Variants in STX8 observed in about 807,000 individuals in gnomAD.
STX8 encodes syntaxin 8, also known as syntaxin-8.
Under a neutral mutation model 37.5 loss-of-function variants are expected in STX8, and 23 were observed. The observed-to-expected ratio is 0.61, with a 90% confidence interval of 0.44 to 0.87. The LOEUF (loss-of-function observed/expected upper bound fraction) is 0.87, where lower values mean the gene tolerates loss of function less well. Among genes scored for constraint, STX8 ranks in the 40% least tolerant of loss-of-function variants. STX8 has a pLI of 0.00. For synonymous variants in STX8, 115 were observed against 99.1 expected (o/e 1.16, Z -0.95); for missense variants, 313 against 284.7 (o/e 1.10, Z -0.71).
chr17:9,434,865 T>C (rs1266215038), intron 6 of STX8, among the ~76,000 whole-genome samples: 1 of 152,202 alleles, frequency 6.6e-6, no homozygotes, highest in Non-Finnish European at 1.5e-5. Context: ...GTGGGGCATT[T>C]CTAGATGCAT....
At chr17:9,275,262 C>T (rs919322402) in intron 7 of STX8, among the ~76,000 whole-genome samples, 17 of 152,140 alleles carry the variant, frequency 1.1e-4, no homozygotes, top group Admixed American at 3.3e-4. Flanking sequence ...TCCAAGCGTC[C>T]ATGGGAACTT....
chr17:9,508,340 T>A (rs774483670), intron 4 of STX8, among the ~76,000 whole-genome samples: 1 of 152,170 alleles, frequency 6.6e-6, no homozygotes, highest in Non-Finnish European at 1.5e-5. Flanking sequence ...TTATTTATTT[T>A]TTTGGAGACA....
chr17:9,414,010 C>CACT (rs1913070975), intron 6 of STX8, among the ~76,000 whole-genome samples: 1 of 142,052 alleles, frequency 7.0e-6, no homozygotes, highest in Admixed American at 6.9e-5. Flanking sequence ...ACCCATCTGT[C>CACT]CATCCATCCA....
At chr17:9,409,422 G>A (rs1376085749) in intron 6 of STX8, among the ~76,000 whole-genome samples, 1 of 152,106 alleles carries the variant, frequency 6.6e-6, no homozygotes, top group Non-Finnish European at 1.5e-5. Flanking sequence ...CTTGATTTTG[G>A]AGTTAAATGA....
intron 6 of STX8, among the ~76,000 whole-genome samples, chr17:9,408,554 TA>T (rs1166180692): frequency 1.3e-5 from 2 of 152,186 alleles, no homozygotes; most frequent in African/African-American, 4.8e-5. Flanking sequence ...GTTCTGGACC[TA>T]AGAGCTGAGA....
intron 6 of STX8, among the ~76,000 whole-genome samples, chr17:9,465,038 C>T (rs896615584): frequency 6.2e-4 from 94 of 152,168 alleles, no homozygotes; most frequent in African/African-American, 2.2e-3. Context: ...CTTATACACA[C>T]ACTTTGGGTC....
chr17:9,278,163 T>G (rs900775066), intron 7 of STX8, among the ~76,000 whole-genome samples: 19 of 151,348 alleles, frequency 1.3e-4, no homozygotes, highest in African/African-American at 4.7e-4. Flanking sequence ...AAACATACTT[T>G]AGGGCCGGAT....
intron 7 of STX8, among the ~76,000 whole-genome samples, chr17:9,321,584 A>C (rs1160069326): frequency 6.6e-6 from 1 of 151,680 alleles, no homozygotes; most frequent in Non-Finnish European, 1.5e-5. Context: ...CACTGGCGCA[A>C]TCCCAGCTCA....
At position 9,274,758 on chromosome 17, in the gene STX8, T is replaced by C. The variant is rs1175564208; in HGVS notation, c.644-24113A>G. 3.9e-5 allele frequency among the ~76,000 whole-genome samples: 5 copies of C among 127,994 alleles called. 1 individual carries two copies. Among genetic ancestry groups the C allele is most frequent in the African/African-American group, 1.1e-4 (4 of 36,568 alleles). 84.0% of individuals were successfully genotyped at this position (127,994 alleles called of 152,430 possible). A position where few individuals can be genotyped will look rare whatever the true frequency, so the allele number is the denominator to read the frequency against. The stretch of plus-strand genomic sequence containing the variant: ...TACAACAATTTCTTTTTTCTTTTTT[T>C]TTTTTTTTTTTGAGACGGAGTCTCG... On this transcript the variant is annotated intron_variant, in intron 7 of 7. Coordinates refer to ENST00000306357, the MANE Select transcript of STX8 (RefSeq NM_004853.3).
intron 6 of STX8, among the ~76,000 whole-genome samples, chr17:9,461,795 G>A (rs1343926432): frequency 2.0e-5 from 3 of 152,214 alleles, no homozygotes; most frequent in Middle Eastern, 3.4e-3. Flanking sequence ...TCACCATCAT[G>A]TAGACTCAGT....
intron 7 of STX8, among the ~76,000 whole-genome samples, chr17:9,339,393 G>C (rs1267655722): frequency 6.6e-6 from 1 of 151,968 alleles, no homozygotes; most frequent in Admixed American, 6.6e-5. Flanking sequence ...AGTGGCTCAC[G>C]CCTGTAATCC....
chr17:9,497,822 CAT>C (rs1365456306), intron 5 of STX8, among the ~76,000 whole-genome samples: 1 of 152,182 alleles, frequency 6.6e-6, no homozygotes, highest in Non-Finnish European at 1.5e-5. Context: ...GGAGCACCAA[CAT>C]ATTTAAATCA....
At position 9,315,740 on chromosome 17, in the gene STX8, G is replaced by C. The variant is rs149887750; in HGVS notation, c.643+62812C>G. On this transcript the variant is annotated intron_variant, in intron 7 of 7. Coordinates refer to ENST00000306357, the MANE Select transcript of STX8 (RefSeq NM_004853.3). ...CTACAAAAATAAAGCTGGTGGGCAT[G>C]GTGGCTCACGCCTGTAATCCTAGCA... Among the ~76,000 whole-genome samples the C allele has an allele frequency of 1.8e-3, 271 of 152,274 alleles. 3 individuals are homozygous for C. Among genetic ancestry groups the C allele is most frequent in the African/African-American group, 5.7e-3 (238 of 41,554 alleles).
intron 6 of STX8, among the ~76,000 whole-genome samples, chr17:9,447,359 A>G (rs1367496372): frequency 6.6e-6 from 1 of 152,250 alleles, no homozygotes; most frequent in East Asian, 1.9e-4. Flanking sequence ...TTAATATAAA[A>G]TCAAGAACAT....
intron 7 of STX8, among the ~76,000 whole-genome samples, chr17:9,327,865 CCT>C (rs1188247228): frequency 6.6e-6 from 1 of 151,752 alleles, no homozygotes; most frequent in African/African-American, 2.4e-5. Flanking sequence ...TTCCTCCCTT[CCT>C]CTCTTTTTTC....
At chr17:9,389,405 T>C (rs1912130331) in intron 6 of STX8, among the ~76,000 whole-genome samples, 1 of 152,274 alleles carries the variant, frequency 6.6e-6, no homozygotes, top group Non-Finnish European at 1.5e-5. Context: ...TGGTCAGTAC[T>C]TGCATTTGGT....
chr17:9,541,229 G>A (rs1308100350), intron 4 of STX8, among the ~76,000 whole-genome samples: 1 of 152,090 alleles, frequency 6.6e-6, no homozygotes, highest in Non-Finnish European at 1.5e-5. Context: ...ACATGAGATT[G>A]TTCACTAATA....
At chr17:9,487,554 A>G (rs1906651654) in intron 6 of STX8, among the ~76,000 whole-genome samples, 1 of 152,132 alleles carries the variant, frequency 6.6e-6, no homozygotes, top group African/African-American at 2.4e-5. Context: ...ACTCTGCCCT[A>G]TCTCCGAGGA....
Position 9,506,407 on chromosome 17 carries a change from T to TCCCC in STX8, c.324-1249_324-1246dup, listed in dbSNP as rs57490676. ...TTAGAGTCAGCTGGTGCTCACCCGC[T>TCCCC]CCCCCCCCCCCCCACCCACCTTTCT... On this transcript the variant is annotated intron_variant, in intron 4 of 7. Coordinates refer to ENST00000306357, the MANE Select transcript of STX8 (RefSeq NM_004853.3). Among the ~76,000 whole-genome samples, 129 of 39,362 alleles carry TCCCC rather than the reference T, an allele frequency of 3.3e-3. 1 individual carries two copies. The highest frequency in any genetic ancestry group is 3.6e-3 in the Non-Finnish European group (74 of 20,524). The allele number at this position is 39,362 out of a possible 152,430, so 25.8% of individuals were successfully genotyped here.
Sources: gnomAD v4.1 joint callset for allele counts (sites outside exome capture counted in the v4.1 genomes callset) on GRCh38, gnomAD v4.1.1 for gene constraint, MANE v1.5 for transcripts, NCBI Gene and HGNC (gene_info 2026-07-23, HGNC 2026-07-21) for gene names.